Variants in FRMPD3 observed in about 807,000 individuals in gnomAD.
The protein encoded by FRMPD3 is FERM and PDZ domain-containing protein 3.
In FRMPD3, 42 loss-of-function variants were observed where a neutral mutation model predicts 97.9. The observed-to-expected ratio is 0.43, with a 90% CI of 0.34 to 0.55. The LOEUF (loss-of-function observed/expected upper bound fraction) is 0.55. Ranked by LOEUF, FRMPD3 falls within the 20% of genes least tolerant of loss-of-function variation. The pLI is 0.03. For synonymous variants in FRMPD3, 577 were observed against 581.1 expected, an observed-to-expected ratio of 0.99 and a Z score of 0.10; for missense variants, 1,303 against 1,457.7, an observed-to-expected ratio of 0.89 and a Z score of 1.73.
intron 12 of FRMPD3, among the ~76,000 whole-genome samples, chrX:107,569,315 A>G (rs1050368887): frequency 2.9e-4 from 31 of 108,563 alleles, no homozygotes; most frequent in Non-Finnish European, 4.8e-4. Context: ...AAAAAAAAAA[A>G]AAGCACAAAT....
chrX:107,542,043 G>A (rs903012104), intron 4 of FRMPD3, among the ~76,000 whole-genome samples: 2 of 112,773 alleles, frequency 1.8e-5, no homozygotes, highest in African/African-American at 6.4e-5. Context: ...AGAGGTGACT[G>A]TCAGGTAGAA....
At chrX:107,457,955 C>T (rs1274415515) in intron 1 of FRMPD3, among the ~76,000 whole-genome samples, 2 of 111,844 alleles carry the variant, frequency 1.8e-5, no homozygotes. Flanking sequence ...GCCCATTGTG[C>T]CTCAGATTGA....
At chrX:107,517,857 G>A (rs1922393886) in intron 1 of FRMPD3, among the ~76,000 whole-genome samples, 2 of 98,995 alleles carry the variant, frequency 2.0e-5, no homozygotes, top group Non-Finnish European at 4.1e-5. Flanking sequence ...AGGGAGGGAG[G>A]GAGGGAGATA....
intron 1 of FRMPD3, among the ~76,000 whole-genome samples, chrX:107,461,514 A>G (rs1037337756): frequency 9.1e-6 from 1 of 110,461 alleles, no homozygotes; most frequent in African/African-American, 3.3e-5. Flanking sequence ...ATCATAGCCC[A>G]AGCTCTCATT....
intron 8 of FRMPD3, among the ~76,000 whole-genome samples, chrX:107,556,932 A>G (rs963079201): frequency 4.5e-5 from 5 of 112,208 alleles, no homozygotes; most frequent in African/African-American, 1.6e-4. Flanking sequence ...ATGAACTTTC[A>G]TGTACCAGTC....
At chrX:107,489,749 A>G (rs1285114693) in intron 1 of FRMPD3, among the ~76,000 whole-genome samples, 2 of 111,810 alleles carry the variant, frequency 1.8e-5, no homozygotes, top group Admixed American at 9.5e-5. Flanking sequence ...CCTTTGTCAG[A>G]CGAGTAGGTT....
intron 4 of FRMPD3, among the ~76,000 whole-genome samples, chrX:107,535,171 C>A (rs759931376): frequency 8.9e-6 from 1 of 112,701 alleles, no homozygotes; most frequent in Non-Finnish European, 1.9e-5. Context: ...TCTCACCTTG[C>A]AGAAGCCTTC....
chrX:107,478,864 C>T (rs888183720), intron 1 of FRMPD3, among the ~76,000 whole-genome samples: 1 of 111,705 alleles, frequency 9.0e-6, no homozygotes, highest in Admixed American at 9.5e-5. Context: ...GTGTTCTGTG[C>T]TAAGCTAACA....
At chrX:107,554,658 T>C (rs1031915012) in intron 8 of FRMPD3, 154 bp downstream of exon 8, 3 of 683,666 alleles carry the variant, frequency 4.4e-6, no homozygotes, top group Non-Finnish European at 6.3e-6. Context: ...TCGTAGGCCA[T>C]GGCCAAGTTG....
intron 1 of FRMPD3, among the ~76,000 whole-genome samples, chrX:107,463,546 T>C (rs1931510443): frequency 8.9e-6 from 1 of 112,443 alleles, no homozygotes; most frequent in Admixed American, 9.4e-5. Flanking sequence ...CCCACTTTGG[T>C]AGAGGCTCAA....
chrX:107,499,016 C>G (rs1279878624), intron 1 of FRMPD3, among the ~76,000 whole-genome samples: 2 of 110,597 alleles, frequency 1.8e-5, no homozygotes, highest in Non-Finnish European at 3.8e-5. Flanking sequence ...CATCCCTCTC[C>G]CCTCCGGTTC....
At chrX:107,506,872 G>T (rs1367768408) in intron 1 of FRMPD3, among the ~76,000 whole-genome samples, 1 of 112,000 alleles carries the variant, frequency 8.9e-6, no homozygotes, top group Non-Finnish European at 1.9e-5. Flanking sequence ...GGTTTCTAAG[G>T]TGTCTTCCTA....
At chrX:107,582,186 CTTT>C (rs1204660012) in intron 13 of FRMPD3, among the ~76,000 whole-genome samples, 1 of 102,748 alleles carries the variant, frequency 9.7e-6, no homozygotes. Context: ...TACTGTCCAT[CTTT>C]TTTTTTTTTT....
intron 12 of FRMPD3, among the ~76,000 whole-genome samples, chrX:107,575,794 G>A (rs1019755580): frequency 1.3e-4 from 15 of 112,196 alleles, no homozygotes; most frequent in African/African-American, 4.9e-4. Context: ...AAAGACTTTG[G>A]CCCAAAAGGC....
At chrX:107,499,246 G>T (rs758733219) in intron 1 of FRMPD3, among the ~76,000 whole-genome samples, 6 of 112,188 alleles carry the variant, frequency 5.3e-5, no homozygotes, top group Non-Finnish European at 1.1e-4. Flanking sequence ...AGCTAAGTCC[G>T]GAAGGATAAG....
chrX:107,551,410 C>T (rs1921857497), intron 6 of FRMPD3, among the ~76,000 whole-genome samples: 1 of 112,016 alleles, frequency 8.9e-6, no homozygotes, highest in Admixed American at 9.4e-5. Context: ...CAGAATCCTC[C>T]TTGGTGGTTT....
intron 1 of FRMPD3, among the ~76,000 whole-genome samples, chrX:107,522,756 A>G (rs1922551135): frequency 8.9e-6 from 1 of 112,150 alleles, no homozygotes; most frequent in Non-Finnish European, 1.9e-5. Flanking sequence ...GGCAGAAGAG[A>G]AAGGCTAGGC....
chrX:107,540,855 G>C (rs899656131), intron 4 of FRMPD3, among the ~76,000 whole-genome samples: 4 of 112,465 alleles, frequency 3.6e-5, no homozygotes, highest in African/African-American at 9.7e-5. Context: ...GTGAGCCTAG[G>C]CATCTGTGCT....
intron 1 of FRMPD3, among the ~76,000 whole-genome samples, chrX:107,497,665 A>T (rs1326898726): frequency 8.9e-6 from 1 of 112,470 alleles, no homozygotes; most frequent in Non-Finnish European, 1.9e-5. Flanking sequence ...GCTAGTTTGC[A>T]TAGGCTTATT....
Sources: gnomAD v4.1 joint callset for allele counts (sites outside exome capture counted in the v4.1 genomes callset) on GRCh38, gnomAD v4.1.1 for gene constraint, MANE v1.5 for transcripts, NCBI Gene and HGNC (gene_info 2026-07-23, HGNC 2026-07-21) for gene names.